UBE2E2: variants seen among roughly 807,000 people sequenced by gnomAD.
The protein encoded by UBE2E2 is ubiquitin-conjugating enzyme E2 E2.
Under a neutral mutation model 24.7 loss-of-function variants are expected in UBE2E2, and 6 were observed. The observed-to-expected ratio is 0.24, with a 90% CI of 0.13 to 0.48. The LOEUF (loss-of-function observed/expected upper bound fraction) is 0.48. Among genes scored for constraint, UBE2E2 ranks in the 20% least tolerant of loss-of-function variants. The probability of loss-of-function intolerance (pLI) is 0.99; values close to 1 mark genes in which losing one functional copy is unlikely to be tolerated. For missense variants in UBE2E2, 169 were observed against 245.0 expected (o/e 0.69, Z 2.07); for synonymous variants, 104 against 83.6 (o/e 1.24, Z -1.33).
chr3:23,370,829 G>A (rs2125340148), intron 3 of UBE2E2, among the ~76,000 whole-genome samples: 1 of 152,278 alleles, frequency 6.6e-6, no homozygotes. Flanking sequence ...CAGGAGGAAG[G>A]TGATAAACAA....
At chr3:23,239,446 C>G (rs577340012) in intron 3 of UBE2E2, among the ~76,000 whole-genome samples, 5 of 152,236 alleles carry the variant, frequency 3.3e-5, no homozygotes, top group African/African-American at 1.2e-4. Context: ...CCCCCCTCCC[C>G]CCCAGCTTCT....
intron 3 of UBE2E2, among the ~76,000 whole-genome samples, chr3:23,493,485 T>G (rs1298860998): frequency 6.6e-6 from 1 of 152,212 alleles, no homozygotes; most frequent in Non-Finnish European, 1.5e-5. Flanking sequence ...TTTACCTCAT[T>G]GTGTTTTTAT....
At chr3:23,404,846 G>T (rs1270282961) in intron 3 of UBE2E2, among the ~76,000 whole-genome samples, 2 of 152,134 alleles carry the variant, frequency 1.3e-5, no homozygotes, top group Admixed American at 1.3e-4. Flanking sequence ...TCACTTTTCT[G>T]CACTGTCAAA....
chr3:23,243,526 A>C (rs544277084), intron 3 of UBE2E2, among the ~76,000 whole-genome samples: 2 of 152,298 alleles, frequency 1.3e-5, no homozygotes, highest in South Asian at 4.1e-4. Flanking sequence ...TTTTCTCTAA[A>C]GAACAACATA....
intron 3 of UBE2E2, among the ~76,000 whole-genome samples, chr3:23,355,268 T>A (rs1043691504): frequency 6.6e-6 from 1 of 151,542 alleles, no homozygotes; most frequent in African/African-American, 2.4e-5. Context: ...TTAGGAGATA[T>A]ACCTAATGCT....
intron 5 of UBE2E2, among the ~76,000 whole-genome samples, chr3:23,580,573 T>C (rs537968501): frequency 6.6e-6 from 1 of 152,366 alleles, no homozygotes; most frequent in African/African-American, 2.4e-5. Context: ...TATTGTGACA[T>C]TCACTTTATT....
chr3:23,585,297 A>T (rs952635703), intron 5 of UBE2E2, among the ~76,000 whole-genome samples: 3 of 147,488 alleles, frequency 2.0e-5, no homozygotes, highest in Admixed American at 6.9e-5. Flanking sequence ...GCTTGAGCCC[A>T]GGGGTCAAGG....
At chr3:23,465,195 G>A (rs1698896405) in intron 3 of UBE2E2, among the ~76,000 whole-genome samples, 1 of 152,096 alleles carries the variant, frequency 6.6e-6, no homozygotes, top group South Asian at 2.1e-4. Flanking sequence ...AATGTTAGTA[G>A]CTTCATTGAG....
At chr3:23,213,157 C>A (rs1358358115) in intron 2 of UBE2E2, among the ~76,000 whole-genome samples, 2 of 152,004 alleles carry the variant, frequency 1.3e-5, no homozygotes. Context: ...AATTACTTTG[C>A]GAATCTGCGT....
Position 23,507,200 on chromosome 3 carries a change from C to T in UBE2E2, c.360+7460C>T, listed in dbSNP as rs9837894. ...CTTCATTTCTCCCTTGATGTCTCTG[C>T]TCAAATGTCACCTTTTCAGAGAGGT... On this transcript the variant is annotated intron_variant, in intron 4 of 5. Coordinates refer to ENST00000396703, the MANE Select transcript of UBE2E2 (RefSeq NM_152653.4). Among the ~76,000 whole-genome samples the T allele has an allele frequency of 9.6e-3, 1,454 of 152,250 alleles. 23 individuals are homozygous for T. Among genetic ancestry groups the T allele is most frequent in the African/African-American group, 0.033 (1,353 of 41,542 alleles).
chr3:23,391,340 G>C (rs1478568461), intron 3 of UBE2E2, among the ~76,000 whole-genome samples: 2 of 152,174 alleles, frequency 1.3e-5, no homozygotes, highest in Non-Finnish European at 2.9e-5. Context: ...GTTTGCAATA[G>C]ACTTAGAATG....
chr3:23,441,075 TG>T (rs1460115916), intron 3 of UBE2E2, among the ~76,000 whole-genome samples: 3 of 152,180 alleles, frequency 2.0e-5, no homozygotes, highest in Non-Finnish European at 4.4e-5. Context: ...ACAAAAGAGC[TG>T]GGGTTTTTAC....
intron 4 of UBE2E2, among the ~76,000 whole-genome samples, chr3:23,523,474 T>G (rs1226193796): frequency 6.6e-6 from 1 of 152,208 alleles, no homozygotes; most frequent in Non-Finnish European, 1.5e-5. Context: ...GATAGTAGTC[T>G]TATCATGTAG....
At chr3:23,520,471 G>T (rs368580994) in intron 4 of UBE2E2, among the ~76,000 whole-genome samples, 2 of 152,220 alleles carry the variant, frequency 1.3e-5, no homozygotes, top group East Asian at 3.9e-4. Flanking sequence ...TTACCCTCAA[G>T]TATGCATACA....
intron 3 of UBE2E2, among the ~76,000 whole-genome samples, chr3:23,435,819 G>C (rs1378606259): frequency 6.6e-6 from 1 of 152,194 alleles, no homozygotes; most frequent in Non-Finnish European, 1.5e-5. Context: ...AGAGTGGAGA[G>C]GGGAACGTAT....
intron 3 of UBE2E2, among the ~76,000 whole-genome samples, chr3:23,231,483 A>T (rs898903710): frequency 6.6e-6 from 1 of 152,210 alleles, no homozygotes; most frequent in Non-Finnish European, 1.5e-5. Context: ...ATTAAACAAT[A>T]GTCAACACAA....
chr3:23,263,810 A>T (rs1697966660), intron 3 of UBE2E2, among the ~76,000 whole-genome samples: 1 of 152,144 alleles, frequency 6.6e-6, no homozygotes, highest in African/African-American at 2.4e-5. Context: ...TGTATATCTT[A>T]AAAAATCTTA....
chr3:23,287,745 T>C (rs1410500823), intron 3 of UBE2E2, among the ~76,000 whole-genome samples: 1 of 151,920 alleles, frequency 6.6e-6, no homozygotes, highest in African/African-American at 2.4e-5. Context: ...CCTTTGGATT[T>C]CTGCAGTGTT....
At chr3:23,357,582 A>G (rs1383082899) in intron 3 of UBE2E2, among the ~76,000 whole-genome samples, 5 of 152,196 alleles carry the variant, frequency 3.3e-5, no homozygotes, top group South Asian at 2.1e-4. Context: ...GGATCTGAAG[A>G]GTATGAGGGC....
Sources: allele counts gnomAD v4.1 joint callset (sites outside exome capture counted in the v4.1 genomes callset), GRCh38; gene constraint gnomAD v4.1.1; transcripts MANE v1.5; gene names NCBI Gene and HGNC (gene_info 2026-07-23, HGNC 2026-07-21).